Variants in VWA3B observed in about 807,000 individuals in gnomAD.
VWA3B encodes von Willebrand factor A domain-containing protein 3B.
Under a neutral mutation model 158.3 loss-of-function variants are expected in VWA3B, and 138 were observed. The observed-to-expected ratio is 0.87, with a 90% CI of 0.76 to 1.00. VWA3B has a LOEUF of 1.00. Among genes scored for constraint, VWA3B ranks in the 50% least tolerant of loss-of-function variants. The pLI is 0.00. For synonymous variants in VWA3B, 596 were observed against 587.3 expected, an observed-to-expected ratio of 1.01 and a Z score of -0.21; for missense variants, 1,555 against 1,565.1, an observed-to-expected ratio of 0.99 and a Z score of 0.11.
chr2:98,252,493 C>T lies in VWA3B; in HGVS notation c.2792+2057C>T, dbSNP rs1429885169. ...GATAGAGCTTCGTGGTCAGATGGTT[C>T]GCGGGGGTTTCCTGCTTGGTTCTGA... On this transcript the variant is annotated intron_variant, in intron 20 of 27. Transcript: ENST00000477737. 4.6e-5 allele frequency among the ~76,000 whole-genome samples: 7 copies of T among 152,018 alleles called. No homozygotes were observed. In the East Asian group the frequency reaches 5.8e-4, roughly 13 times the overall value.
At chr2:98,184,706 G>A (rs1680872669) in intron 9 of VWA3B, among the ~76,000 whole-genome samples, 1 of 152,200 alleles carries the variant, frequency 6.6e-6, no homozygotes, top group African/African-American at 2.4e-5. Context: ...TGCTTACCGG[G>A]GCTCCTCTCT....
At chr2:98,240,085 C>T (rs1204014215) in intron 19 of VWA3B, among the ~76,000 whole-genome samples, 1 of 152,086 alleles carries the variant, frequency 6.6e-6, no homozygotes, top group Non-Finnish European at 1.5e-5. Context: ...GAGGAGGCTT[C>T]TCTCACCACT....
At position 98,290,534 on chromosome 2, in the gene VWA3B, A is replaced by C. The variant is rs75171637; in HGVS notation, c.3069A>C (p.Pro1023=). 1.6e-3 allele frequency: 2,519 copies of C among 1,581,608 alleles called. 32 individuals carry two copies. In the African/African-American group the frequency reaches 0.029, roughly 18 times the overall value. The change falls in exon 23 of 28, where the codon CCA becomes CCC. Residue 1023 remains proline, a synonymous_variant. Transcript: ENST00000477737. ...AGCAACAGAAATTGCAAGGAAATCCAACAAAGAAAACCAAATCAAAAAGAC... is the reference window on the plus strand; with the variant it reads ...AGCAACAGAAATTGCAAGGAAATCCCACAAAGAAAACCAAATCAAAAAGAC... The part of the protein sequence containing the change: ...PGEQQKLQGN[P]TKKTKSKRPD...
chr2:98,129,206 G>GGGGAGAGAGA (rs1553640724), intron 6 of VWA3B, among the ~76,000 whole-genome samples: 1 of 128,344 alleles, frequency 7.8e-6, no homozygotes, highest in Non-Finnish European at 1.6e-5. Flanking sequence ...GAGAGAGAGA[G>GGGGAGAGAGA]GAGAGAGAGA....
At position 98,171,841 on chromosome 2, in the gene VWA3B, G is replaced by A. The variant is rs116127350; in HGVS notation, c.1114+8865G>A. 5.5e-3 allele frequency among the ~76,000 whole-genome samples: 830 copies of A among 152,242 alleles called. 9 individuals carry two copies. Among genetic ancestry groups the A allele is most frequent in the African/African-American group, 0.019 (798 of 41,536 alleles). On this transcript the variant is annotated intron_variant, in intron 8 of 27. Transcript: ENST00000477737. Reference sequence around the variant, plus strand: ...AGGTGATAAATGGGCAGGTATGAGGGAGACTTTGGGTGCTGAATCGACAGT... The same window carrying A: ...AGGTGATAAATGGGCAGGTATGAGGAAGACTTTGGGTGCTGAATCGACAGT...
intron 21 of VWA3B, chr2:98,269,590 G>A (rs978037520): frequency 6.6e-6 from 1 of 152,194 alleles, no homozygotes; most frequent in Non-Finnish European, 1.5e-5. Flanking sequence ...GGATTGGGGA[G>A]CTTTCTTCCA....
downstream of VWA3B, among the ~76,000 whole-genome samples, chr2:98,316,432 C>T (rs975714916): frequency 6.6e-6 from 1 of 152,076 alleles, no homozygotes; most frequent in Admixed American, 6.5e-5. Context: ...CATTTGAGCT[C>T]AGAAGTTCAA....
intron 2 of VWA3B, among the ~76,000 whole-genome samples, chr2:98,114,660 TA>T (rs1277675625): frequency 6.6e-6 from 1 of 152,126 alleles, no homozygotes; most frequent in Non-Finnish European, 1.5e-5. Context: ...AAAATTACAA[TA>T]AAATAATCAT....
chr2:98,238,478 ATATT>A (rs1239372155), intron 19 of VWA3B, among the ~76,000 whole-genome samples: 1 of 152,216 alleles, frequency 6.6e-6, no homozygotes, highest in Non-Finnish European at 1.5e-5. Flanking sequence ...GGGACGAAAT[ATATT>A]TAGTGAACTC....
intron 12 of VWA3B, among the ~76,000 whole-genome samples, chr2:98,196,531 G>A (rs1201647359): frequency 6.6e-6 from 1 of 152,210 alleles, no homozygotes; most frequent in African/African-American, 2.4e-5. Context: ...TCATGCAGCA[G>A]TAGGTCCCCA....
chr2:98,294,431 G>T (rs1574296891), intron 23 of VWA3B, among the ~76,000 whole-genome samples: 1 of 152,332 alleles, frequency 6.6e-6, no homozygotes, highest in South Asian at 2.1e-4. Context: ...AGCAGAGCTG[G>T]CCAGACTGGC....
intron 21 of VWA3B, among the ~76,000 whole-genome samples, chr2:98,262,554 C>G (rs1450790430): frequency 1.3e-5 from 2 of 151,538 alleles, no homozygotes; most frequent in African/African-American, 4.8e-5. Context: ...GTCTTGGCAC[C>G]CTTGTCAAAA....
chr2:98,214,699 G>C (rs1262380563), intron 13 of VWA3B, among the ~76,000 whole-genome samples: 1 of 152,108 alleles, frequency 6.6e-6, no homozygotes, highest in Non-Finnish European at 1.5e-5. Flanking sequence ...ATTTCATAAA[G>C]AGCGTCCTCA....
At position 98,121,445 on chromosome 2, in the gene VWA3B, G is replaced by A. The variant is rs1674953188; in HGVS notation, c.689G>A (p.Gly230Glu). 6.2e-7 allele frequency: 1 copy of A among 1,613,956 alleles called. No homozygotes were observed. The highest frequency in any genetic ancestry group is 2.2e-5 in the East Asian group (1 of 44,886). ...AGRLDALLEA[G>E]RDKTIESIYY... ...CGCCTGGATGCTCTGCTGGAAGCCG[G>A]GAGAGACAAGACTGTAAGTGCGTGT... The change falls in exon 5 of 28, where the codon GGG (glycine) becomes GAG (glutamate). Residue 230 changes from glycine (G) to glutamate (E), a missense_variant. Gly to Glu is a moderately conservative substitution (Grantham distance 98, BLOSUM62 -2). Coordinates refer to ENST00000477737, the MANE Select transcript of VWA3B (RefSeq NM_144992.5).
chr2:98,329,047 T>A, the VWA3B span, among the ~76,000 whole-genome samples: 5 of 152,150 alleles, frequency 3.3e-5, no homozygotes, highest in Admixed American at 6.5e-5. Flanking sequence ...TATGGTCAAC[T>A]GATTTTCAAC....
At chr2:98,305,610 C>T (rs1014286340) in intron 26 of VWA3B, among the ~76,000 whole-genome samples, 2 of 152,130 alleles carry the variant, frequency 1.3e-5, no homozygotes, top group Non-Finnish European at 2.9e-5. Context: ...TCAGAGCTCC[C>T]CACAAACCTG....
At chr2:98,196,680 G>A (rs904953081) in intron 12 of VWA3B, among the ~76,000 whole-genome samples, 1 of 152,166 alleles carries the variant, frequency 6.6e-6, no homozygotes, top group African/African-American at 2.4e-5. Context: ...CTCTCTGTCT[G>A]CCTCTTCCCC....
chr2:98,163,999 G>C (rs1436746555), intron 8 of VWA3B, among the ~76,000 whole-genome samples: 1 of 152,154 alleles, frequency 6.6e-6, no homozygotes, highest in African/African-American at 2.4e-5. Context: ...GGAGACTGTC[G>C]AGTTGCCGGT....
chr2:98,120,630 T>C (rs1478521728), intron 4 of VWA3B, among the ~76,000 whole-genome samples: 1 of 152,208 alleles, frequency 6.6e-6, no homozygotes, highest in Non-Finnish European at 1.5e-5. Flanking sequence ...TGGCAGGCCA[T>C]GGGGGCAATC....
Sources: allele counts gnomAD v4.1 joint callset (sites outside exome capture counted in the v4.1 genomes callset), GRCh38; gene constraint gnomAD v4.1.1; transcripts MANE v1.5; gene names NCBI Gene and HGNC (gene_info 2026-07-23, HGNC 2026-07-21).